The following STARD10 variants were observed in gnomAD, a reference collection of about 807,000 sequenced individuals.
The protein encoded by STARD10 is START domain-containing protein 10.
Under a neutral mutation model 36.0 loss-of-function variants are expected in STARD10, and 24 were observed. That is an observed-to-expected ratio of 0.67 (90% CI 0.48 to 0.94). STARD10 has a LOEUF of 0.94. STARD10 is among the 40% of genes least tolerant of loss of function. STARD10 has a pLI of 0.00. For synonymous variants in STARD10, 156 were observed against 161.9 expected (o/e 0.96, Z 0.28); for missense variants, 335 against 396.6 (o/e 0.84, Z 1.32).
chr11:72,777,518 A>G (rs1187581563), intron 2 of STARD10, among the ~76,000 whole-genome samples: 1 of 152,236 alleles, frequency 6.6e-6, no homozygotes, highest in African/African-American at 2.4e-5. Context: ...GGGCTTTGAG[A>G]GACCTGAGTT....
intron 2 of STARD10, among the ~76,000 whole-genome samples, chr11:72,761,917 C>CTTTTCTTTTTTTTTTTTTTTTTTTTT (rs1555023007): frequency 2.7e-5 from 1 of 37,472 alleles, no homozygotes; most frequent in African/African-American, 1.2e-4. Context: ...CTTTTCTTTT[C>CTTTTCTTTTTTTTTTTTTTTTTTTTT]TTTTTTTTTT....
At chr11:72,758,323 A>G (rs890263479) in intron 4 of STARD10, among the ~76,000 whole-genome samples, 4 of 152,164 alleles carry the variant, frequency 2.6e-5, no homozygotes, top group Non-Finnish European at 5.9e-5. Flanking sequence ...CCCACTTGCC[A>G]CAGAGGTGGC....
intron 2 of STARD10, among the ~76,000 whole-genome samples, chr11:72,776,747 G>A (rs1241364149): frequency 6.6e-6 from 1 of 152,118 alleles, no homozygotes; most frequent in Non-Finnish European, 1.5e-5. Context: ...CCAGAGACTA[G>A]TAAGAGTGGG....
chr11:72,758,773 C>T lies in STARD10; in HGVS notation c.356-140G>A, dbSNP rs145933030. On this transcript the variant is annotated intron_variant, in intron 3 of 6. Transcript: ENST00000334805. ...AAAGATACACCTCCCTCCCAGACCA[C>T]AGTCCCACAGCTGGAGCCAGAAAAG... 401 of 630,278 alleles carry T rather than the reference C, an allele frequency of 6.4e-4. 3 individuals are homozygous for T. In the Middle Eastern group the frequency reaches 0.016, roughly 24 times the overall value. 39.0% of individuals were successfully genotyped at this position (630,278 alleles called of 1,614,324 possible). A position where few individuals can be genotyped will look rare whatever the true frequency, so the allele number is the denominator to read the frequency against.
intron 1 of STARD10, among the ~76,000 whole-genome samples, chr11:72,786,756 G>A (rs564596193): frequency 3.4e-4 from 51 of 152,174 alleles, no homozygotes; most frequent in Non-Finnish European, 5.7e-4. Flanking sequence ...TGGCACCAAA[G>A]TGGAGTTGCC....
intron 2 of STARD10, among the ~76,000 whole-genome samples, chr11:72,773,940 T>C (rs1436648930): frequency 6.6e-6 from 1 of 152,184 alleles, no homozygotes; most frequent in East Asian, 1.9e-4. Context: ...TCAATAAACA[T>C]ACTGAAGCAA....
intron 1 of STARD10, among the ~76,000 whole-genome samples, chr11:72,791,424 G>T (rs983838120): frequency 6.6e-5 from 10 of 152,120 alleles, no homozygotes; most frequent in Admixed American, 5.9e-4. Context: ...TCCTTTTCTG[G>T]CCGGGCGTGG....
intron 2 of STARD10, among the ~76,000 whole-genome samples, chr11:72,772,804 C>T (rs1327217370): frequency 6.6e-6 from 1 of 152,234 alleles, no homozygotes. Flanking sequence ...GACCAACTCA[C>T]CAAGACTTTC....
chr11:72,769,076 C>T (rs1267901624), intron 2 of STARD10, among the ~76,000 whole-genome samples: 1 of 152,146 alleles, frequency 6.6e-6, no homozygotes, highest in East Asian at 1.9e-4. Context: ...CCATCATCCT[C>T]TTAAAAAGGG....
chr11:72,764,917 A>G (rs1858765514), intron 2 of STARD10, among the ~76,000 whole-genome samples: 1 of 152,174 alleles, frequency 6.6e-6, no homozygotes, highest in Admixed American at 6.5e-5. Flanking sequence ...GCTGGGCTTG[A>G]GTACGTTTAA....
intron 2 of STARD10, among the ~76,000 whole-genome samples, chr11:72,770,469 C>A (rs1858840981): frequency 6.6e-6 from 1 of 152,216 alleles, no homozygotes; most frequent in Non-Finnish European, 1.5e-5. Flanking sequence ...CCACCCATCT[C>A]AGCCTCTCAA....
intron 2 of STARD10, among the ~76,000 whole-genome samples, chr11:72,763,676 A>AGT (rs1858750061): frequency 6.6e-6 from 1 of 152,152 alleles, no homozygotes; most frequent in African/African-American, 2.4e-5. Context: ...ATGAGATGTG[A>AGT]GTGACTGAGT....
chr11:72,780,111 A>C (rs1858972679), intron 2 of STARD10: 2 of 405,842 alleles, frequency 4.9e-6, no homozygotes, highest in Non-Finnish European at 1.0e-5. Context: ...TGCAGCACCC[A>C]CAGCAACATC....
At chr11:72,759,417 G>A (rs746820434) in intron 2 of STARD10, 36 bp from the exon 3 acceptor site, 5 of 1,612,692 alleles carry the variant, frequency 3.1e-6, no homozygotes, top group Non-Finnish European at 4.2e-6. Context: ...AGGATCATAT[G>A]GGGCTCAGAG....
chr11:72,764,356 G>C (rs1033104426), intron 2 of STARD10, among the ~76,000 whole-genome samples: 7 of 152,248 alleles, frequency 4.6e-5, no homozygotes, highest in Non-Finnish European at 1.0e-4. Context: ...GCAGAGCCAC[G>C]AGACAGACCA....
intron 2 of STARD10, among the ~76,000 whole-genome samples, chr11:72,763,963 G>A (rs560835873): frequency 8.5e-5 from 13 of 152,322 alleles, no homozygotes; most frequent in African/African-American, 3.1e-4. Flanking sequence ...AAGCAGCAGA[G>A]CAGGGACTCA....
At chr11:72,777,889 T>C (rs1164422492) in intron 2 of STARD10, among the ~76,000 whole-genome samples, 2 of 151,712 alleles carry the variant, frequency 1.3e-5, no homozygotes, top group African/African-American at 4.9e-5. Flanking sequence ...TGTCCAGGGG[T>C]CAGCTGGCTT....
intron 1 of STARD10, among the ~76,000 whole-genome samples, chr11:72,791,765 AATG>A (rs1371598334): frequency 6.6e-6 from 1 of 152,090 alleles, no homozygotes; most frequent in African/African-American, 2.4e-5. Flanking sequence ...GAAAAACAGA[AATG>A]ATAAGTGAAG....
intron 1 of STARD10, among the ~76,000 whole-genome samples, chr11:72,788,553 G>A (rs551209089): frequency 1.3e-4 from 20 of 150,616 alleles, no homozygotes; most frequent in Admixed American, 3.3e-4. Flanking sequence ...AAATGTATTT[G>A]TTGCTTATCT....
Sources: gnomAD v4.1 joint callset for allele counts (sites outside exome capture counted in the v4.1 genomes callset) on GRCh38, gnomAD v4.1.1 for gene constraint, MANE v1.5 for transcripts, NCBI Gene and HGNC (gene_info 2026-07-23, HGNC 2026-07-21) for gene names.